GFM1: variants seen among roughly 807,000 people sequenced by gnomAD.
GFM1 encodes G elongation factor mitochondrial 1.
A neutral mutation model predicts 96.2 loss-of-function variants in GFM1; 62 were observed. That is an observed-to-expected ratio of 0.64 (90% CI 0.53 to 0.80). The LOEUF (loss-of-function observed/expected upper bound fraction) is 0.80, where lower values mean the gene tolerates loss of function less well. Among genes scored for constraint, GFM1 ranks in the 30% least tolerant of loss-of-function variants. The pLI is 0.00. For synonymous variants in GFM1, 282 were observed against 312.9 expected (o/e 0.90, Z 1.04); for missense variants, 852 against 916.6 (o/e 0.93, Z 0.91).
chr3:158,664,382 C>T (rs1016813361), intron 11 of GFM1, among the ~76,000 whole-genome samples: 1 of 152,174 alleles, frequency 6.6e-6, no homozygotes, highest in African/African-American at 2.4e-5. Context: ...GAGAATTTCT[C>T]TCCTTCTTAC....
At chr3:158,690,556 TCTTTCTTGAATA>T in intron 16 of GFM1, 1 of 522,610 alleles carries the variant, frequency 1.9e-6, no homozygotes. Context: ...ATATTATCTC[TCTTTCTTGAATA>T]AGCACAGATG....
chr3:158,680,552 G>A (rs952697224), intron 13 of GFM1, among the ~76,000 whole-genome samples: 4 of 152,024 alleles, frequency 2.6e-5, no homozygotes, highest in Non-Finnish European at 4.4e-5. Flanking sequence ...TATCTTTTTT[G>A]TATTAGCCTT....
intron 8 of GFM1, chr3:158,657,406 A>G (rs1461340219): frequency 6.6e-6 from 1 of 152,172 alleles, no homozygotes; most frequent in Non-Finnish European, 1.5e-5. Context: ...GTATTGGATT[A>G]TTTCAATGAA....
chr3:158,673,508 C>CTTTTTTTTTTTTTTTTTTTT (rs766011688), intron 13 of GFM1, among the ~76,000 whole-genome samples: 6 of 114,270 alleles, frequency 5.3e-5, no homozygotes, highest in African/African-American at 1.1e-4. Flanking sequence ...CTTTTCTTTT[C>CTTTTTTTTTTTTTTTTTTTT]TTTTTTTTTT....
chr3:158,672,383 A>G (rs529637533), intron 13 of GFM1: 1 of 1,613,894 alleles, frequency 6.2e-7, no homozygotes, highest in South Asian at 1.1e-5. Context: ...TCTGCACCTC[A>G]AACACCCTGT....
In GFM1 at chr3:158,693,015, TATAATTTCATTCTCACA is replaced by T. The variant is rs1264672961; in HGVS notation, c.*1550_*1566del. The T allele has an allele frequency of 1.3e-5, 2 of 152,210 alleles. No individual in the cohort carries two copies. The allele number at this position is 152,210 out of a possible 1,614,324, so 9.4% of individuals were successfully genotyped here. ...GCTGCTAAATACTTTAAATGCATTG[TATAATTTCATTCTCACA>T]ACCCCGAGAGTAAGTACTATTATTA... On this transcript the variant is annotated 3_prime_UTR_variant, in exon 18 of 18. Coordinates refer to ENST00000486715, the MANE Select transcript of GFM1 (RefSeq NM_024996.7).
intron 13 of GFM1, chr3:158,672,399 G>T (rs371457216): frequency 6.2e-7 from 1 of 1,614,082 alleles, no homozygotes; most frequent in Non-Finnish European, 8.5e-7. Context: ...CCTGTGCGGG[G>T]TCCCCTGCTG....
intron 4 of GFM1, among the ~76,000 whole-genome samples, 195 bp from the exon 5 acceptor site, chr3:158,648,846 T>C (rs1223060732): frequency 6.6e-6 from 1 of 152,144 alleles, no homozygotes; most frequent in African/African-American, 2.4e-5. Flanking sequence ...CTAAATGGGT[T>C]TGTGGCTTCC....
At position 158,673,853 on chromosome 3, in the gene GFM1, A is replaced by G. The variant is rs6791844; in HGVS notation, c.1601+7467A>G. ...CACACACCCAAGACTCTTGAGGTGT[A>G]TCTCTTTCTGATTATGTAGATTCTG... On this transcript the variant is annotated intron_variant, in intron 13 of 17. Coordinates refer to ENST00000486715, the MANE Select transcript of GFM1 (RefSeq NM_024996.7). 2.0e-5 allele frequency among the ~76,000 whole-genome samples: 3 copies of G among 151,582 alleles called. No homozygotes were observed. In the East Asian group the frequency reaches 5.8e-4, roughly 30 times the overall value.
rs571635613 is a variant in GFM1, at chr3:158,675,154, G to A, written c.1602-6841G>A. Among the ~76,000 whole-genome samples, 5 of 151,634 alleles carry A rather than the reference G, an allele frequency of 3.3e-5. No individual in the cohort carries two copies. In the South Asian group the frequency reaches 1.0e-3, roughly 31 times the overall value. ...ATACAAAAATTAGCCGGGCGTGGCG[G>A]CGGGCGCCTGTAATCCCAGCTACTC... On this transcript the variant is annotated intron_variant, in intron 13 of 17. Coordinates refer to ENST00000486715, the MANE Select transcript of GFM1 (RefSeq NM_024996.7).
chr3:158,675,906 G>T (rs147550605), intron 13 of GFM1, among the ~76,000 whole-genome samples: 32 of 152,300 alleles, frequency 2.1e-4, no homozygotes, highest in African/African-American at 7.2e-4. Flanking sequence ...ACAATGTGCA[G>T]ATACTTTGGT....
chr3:158,668,848 C>A, intron 13 of GFM1: 4 of 642,860 alleles, frequency 6.2e-6, no homozygotes, highest in Non-Finnish European at 7.6e-6. Context: ...CTTCTCTAAT[C>A]TTGATTGTAC....
Position 158,688,385 on chromosome 3 carries a change from G to A in GFM1, c.1910-1778G>A, listed in dbSNP as rs375131292. Among the ~76,000 whole-genome samples, 108 of 152,306 alleles carry A rather than the reference G, an allele frequency of 7.1e-4. 3 individuals carry two copies. The South Asian group carries it at 0.022, about 30-fold the overall frequency. Reference sequence around the variant, plus strand: ...CTAAATCAGGGAGTAGATTTAGTGAGTTACAAGGAAGAGAGCAGGGTAAGG... The same window carrying A: ...CTAAATCAGGGAGTAGATTTAGTGAATTACAAGGAAGAGAGCAGGGTAAGG... On this transcript the variant is annotated intron_variant, in intron 15 of 17. Coordinates refer to ENST00000486715, the MANE Select transcript of GFM1 (RefSeq NM_024996.7).
At chr3:158,662,261 GTAT>G (rs1231274987) in intron 10 of GFM1, among the ~76,000 whole-genome samples, 3 of 151,838 alleles carry the variant, frequency 2.0e-5, no homozygotes, top group Non-Finnish European at 4.4e-5. Flanking sequence ...ATCAGTAATT[GTAT>G]TATATTTTGA....
intron 13 of GFM1, chr3:158,669,308 T>C (rs1724034441): frequency 8.5e-7 from 1 of 1,183,284 alleles, no homozygotes; most frequent in South Asian, 1.6e-5. Context: ...GGATTAGAAA[T>C]GAGTATTTTT....
At chr3:158,650,194 A>G in intron 5 of GFM1, 1 of 772,264 alleles carries the variant, frequency 1.3e-6, no homozygotes, top group South Asian at 1.5e-5. Context: ...CTGAGTAATG[A>G]CAACAAAGTT....
intron 15 of GFM1, among the ~76,000 whole-genome samples, chr3:158,688,652 G>A (rs932718400): frequency 6.6e-6 from 1 of 152,110 alleles, no homozygotes; most frequent in African/African-American, 2.4e-5. Flanking sequence ...TTGTAAAGAA[G>A]TTATGCAAGG....
chr3:158,669,136 G>A, intron 13 of GFM1: 1 of 1,611,548 alleles, frequency 6.2e-7, no homozygotes, highest in Non-Finnish European at 8.5e-7. Context: ...AAATTGTCTG[G>A]TAGGAGACAC....
chr3:158,654,824 T>C (rs1722611496), intron 8 of GFM1, among the ~76,000 whole-genome samples, 193 bp downstream of exon 8: 1 of 152,248 alleles, frequency 6.6e-6, no homozygotes, highest in South Asian at 2.1e-4. Flanking sequence ...TTCTAGTCTC[T>C]TCTCTTTGCC....
Sources: allele counts gnomAD v4.1 joint callset (sites outside exome capture counted in the v4.1 genomes callset), GRCh38; gene constraint gnomAD v4.1.1; transcripts MANE v1.5; gene names NCBI Gene and HGNC (gene_info 2026-07-23, HGNC 2026-07-21).